SMAP1: variants seen among roughly 807,000 people sequenced by gnomAD.
SMAP1 encodes the protein stromal membrane-associated protein 1.
A neutral mutation model predicts 58.5 loss-of-function variants in SMAP1; 24 were observed. That is an observed-to-expected ratio of 0.41 (90% CI 0.30 to 0.58). The LOEUF (loss-of-function observed/expected upper bound fraction) is 0.58. Among genes scored for constraint, SMAP1 ranks in the 20% least tolerant of loss-of-function variants. SMAP1 has a pLI of 0.29. For missense variants in SMAP1, 563 were observed against 566.3 expected (o/e 0.99, Z 0.06); for synonymous variants, 216 against 196.6 (o/e 1.10, Z -0.82).
At chr6:70,675,417 G>A (rs1230724365) in intron 1 of SMAP1, among the ~76,000 whole-genome samples, 5 of 151,680 alleles carry the variant, frequency 3.3e-5, no homozygotes, top group Non-Finnish European at 2.9e-5. Flanking sequence ...TTGGGAGGCC[G>A]AGGTGGGTGG....
chr6:70,828,246 A>G (rs1465387077), intron 6 of SMAP1, among the ~76,000 whole-genome samples: 1 of 152,190 alleles, frequency 6.6e-6, no homozygotes, highest in Non-Finnish European at 1.5e-5. Flanking sequence ...TAACTCATGA[A>G]TTTTTTACTG....
At chr6:70,803,472 G>A (rs1041547558) in intron 6 of SMAP1, among the ~76,000 whole-genome samples, 1 of 151,964 alleles carries the variant, frequency 6.6e-6, no homozygotes, top group East Asian at 1.9e-4. Flanking sequence ...TTTTTTGAAG[G>A]TTTTTTTGTG....
chr6:70,788,784 T>A (rs769277702), intron 4 of SMAP1, among the ~76,000 whole-genome samples: 4 of 152,192 alleles, frequency 2.6e-5, no homozygotes, highest in Non-Finnish European at 5.9e-5. Flanking sequence ...GTGGCCTGAT[T>A]AAGGAGTTTG....
intron 2 of SMAP1, 74 bp from the exon 3 acceptor site, chr6:70,754,906 A>G (rs1254898673): frequency 5.3e-6 from 4 of 754,800 alleles, no homozygotes; most frequent in African/African-American, 3.5e-5. Flanking sequence ...GTGTATATGT[A>G]TGTATGTGTA....
chr6:70,737,181 A>G (rs1317343747), intron 2 of SMAP1, among the ~76,000 whole-genome samples: 1 of 152,176 alleles, frequency 6.6e-6, no homozygotes, highest in Non-Finnish European at 1.5e-5. Context: ...TTGCTCTGTC[A>G]CCTAGGCTGG....
At chr6:70,818,588 G>A (rs1769745535) in intron 6 of SMAP1, among the ~76,000 whole-genome samples, 1 of 152,150 alleles carries the variant, frequency 6.6e-6, no homozygotes, top group Non-Finnish European at 1.5e-5. Flanking sequence ...TATCAAACCT[G>A]CTTCCCGTAG....
chr6:70,773,972 C>G (rs887212862), intron 4 of SMAP1, among the ~76,000 whole-genome samples: 4 of 152,158 alleles, frequency 2.6e-5, no homozygotes, highest in Non-Finnish European at 4.4e-5. Context: ...AACGTTGGTC[C>G]TATAAGTTTA....
At chr6:70,762,623 A>G (rs1263540775) in intron 3 of SMAP1, among the ~76,000 whole-genome samples, 1 of 152,172 alleles carries the variant, frequency 6.6e-6, no homozygotes, top group African/African-American at 2.4e-5. Context: ...TTAAAAATTC[A>G]CTTTGTAGTG....
intron 7 of SMAP1, among the ~76,000 whole-genome samples, chr6:70,847,382 TA>T (rs749099653): frequency 2.0e-5 from 3 of 152,220 alleles, no homozygotes; most frequent in Non-Finnish European, 4.4e-5. Context: ...GAAAACATTT[TA>T]ACCTTTTCCT....
At chr6:70,676,358 T>C (rs1318941038) in intron 1 of SMAP1, among the ~76,000 whole-genome samples, 2 of 152,172 alleles carry the variant, frequency 1.3e-5, no homozygotes, top group Non-Finnish European at 2.9e-5. Flanking sequence ...CTGTGCTGGC[T>C]CTATAACCTA....
chr6:70,693,496 G>A (rs1038256705), intron 1 of SMAP1, among the ~76,000 whole-genome samples: 4 of 151,618 alleles, frequency 2.6e-5, no homozygotes, highest in African/African-American at 9.7e-5. Context: ...TAGAGACAGG[G>A]TTTCACCTTG....
intron 7 of SMAP1, among the ~76,000 whole-genome samples, chr6:70,850,202 C>T (rs566208416): frequency 4.6e-5 from 7 of 152,264 alleles, no homozygotes; most frequent in African/African-American, 9.6e-5. Flanking sequence ...TTAGTGGATG[C>T]GCTTTGTGAT....
chr6:70,725,019 AG>A (rs1768703889), intron 1 of SMAP1, among the ~76,000 whole-genome samples: 1 of 141,528 alleles, frequency 7.1e-6, no homozygotes, highest in African/African-American at 2.6e-5. Context: ...TAAATATGGT[AG>A]TGTCTGAGTC....
chr6:70,755,104 A>AT (rs1356745361), intron 3 of SMAP1, 39 bp downstream of exon 3: 1 of 1,463,522 alleles, frequency 6.8e-7, no homozygotes, highest in East Asian at 2.3e-5. Context: ...TTTAAAAAAC[A>AT]TTAACTCATT....
At chr6:70,845,523 A>G (rs1770954196) in intron 7 of SMAP1, among the ~76,000 whole-genome samples, 1 of 152,244 alleles carries the variant, frequency 6.6e-6, no homozygotes, top group Non-Finnish European at 1.5e-5. Context: ...AGGAGAATAA[A>G]ATAAGTTTAT....
intron 1 of SMAP1, among the ~76,000 whole-genome samples, chr6:70,699,378 C>T (rs1418864748): frequency 6.6e-6 from 1 of 152,076 alleles, no homozygotes; most frequent in South Asian, 2.1e-4. Context: ...TGAGTCTTAC[C>T]CGGGACCTGT....
chr6:70,783,945 C>G (rs1048073812), intron 4 of SMAP1, among the ~76,000 whole-genome samples: 2 of 152,176 alleles, frequency 1.3e-5, no homozygotes, highest in African/African-American at 4.8e-5. Context: ...TCAGGAAATA[C>G]AGAGAACGCC....
intron 1 of SMAP1, among the ~76,000 whole-genome samples, chr6:70,726,691 G>A (rs1768799634): frequency 6.6e-6 from 1 of 152,114 alleles, no homozygotes; most frequent in African/African-American, 2.4e-5. Context: ...CAAGGCAAGT[G>A]TATTGAGATC....
At position 70,859,483 on chromosome 6, in the gene SMAP1, C is replaced by G. The variant is rs180926736; in HGVS notation, c.1270-717C>G. The G allele has an allele frequency of 1.5e-5, 15 of 1,021,548 alleles. No individual in the cohort carries two copies. In the Admixed American group the frequency reaches 1.6e-4, roughly 11 times the overall value. The allele number at this position is 1,021,548 out of a possible 1,614,324, so 63.3% of individuals were successfully genotyped here. On this transcript the variant is annotated intron_variant, in intron 10 of 10. Coordinates refer to ENST00000370455, the MANE Select transcript of SMAP1 (RefSeq NM_001044305.3). The stretch of plus-strand genomic sequence containing the variant: ...TTAGTGATGTAGTTTATGTTAGTGT[C>G]TTTGAAACTGTAAATAAGTCAAGTC...
Sources: gnomAD v4.1 joint callset for allele counts (sites outside exome capture counted in the v4.1 genomes callset) on GRCh38, gnomAD v4.1.1 for gene constraint, MANE v1.5 for transcripts, NCBI Gene and HGNC (gene_info 2026-07-23, HGNC 2026-07-21) for gene names.